HIGD1C: variants seen among roughly 807,000 people sequenced by gnomAD.
The protein encoded by HIGD1C is HIG1 domain family member 1C.
A neutral mutation model predicts 13.1 loss-of-function variants in HIGD1C; 11 were observed. The observed-to-expected ratio is 0.84, with a 90% CI of 0.53 to 1.39. The LOEUF is 1.39. HIGD1C is among the 40% of genes most tolerant of loss of function. The pLI, the probability that HIGD1C is intolerant of heterozygous loss-of-function variation, is 0.00. For synonymous variants in HIGD1C, 36 were observed against 37.7 expected (o/e 0.95, Z 0.17); for missense variants, 110 against 112.0 (o/e 0.98, Z 0.08).
chr12:50,952,058 A>AT (rs1938916557), upstream of HIGD1C, among the ~76,000 whole-genome samples: 3 of 116,476 alleles, frequency 2.6e-5, no homozygotes, highest in African/African-American at 3.6e-5. Context: ...CTAGACCAGA[A>AT]ATTTTTTTTT....
upstream of HIGD1C, among the ~76,000 whole-genome samples, chr12:50,950,821 C>T (rs537163315): frequency 4.6e-5 from 7 of 151,828 alleles, no homozygotes; most frequent in South Asian, 8.3e-4. Flanking sequence ...GGACTACAGG[C>T]GCCTGCCACC....
At chr12:50,940,098 A>T in the HIGD1C span, 1 of 152,286 alleles carries the variant, frequency 6.6e-6, no homozygotes, top group South Asian at 2.1e-4. Context: ...TCGTAAAAAA[A>T]ATAGTTTGCA....
the HIGD1C span, chr12:50,935,092 G>A: frequency 6.6e-6 from 1 of 152,000 alleles, no homozygotes; most frequent in Non-Finnish European, 1.5e-5. Context: ...TTCCCCTTTC[G>A]TCTTGGTTTA....
the HIGD1C span, among the ~76,000 whole-genome samples, chr12:50,945,871 A>G: frequency 9.9e-5 from 15 of 152,074 alleles, no homozygotes; most frequent in South Asian, 2.1e-4. Context: ...TGGTACTGGT[A>G]CCAAAACAGA....
chr12:50,955,053 A>G (rs1939041276), intron 1 of HIGD1C, among the ~76,000 whole-genome samples: 1 of 152,172 alleles, frequency 6.6e-6, no homozygotes, highest in Non-Finnish European at 1.5e-5. Flanking sequence ...GCACTTTGAG[A>G]GGCCGAGGCA....
At chr12:50,970,606 C>T, downstream of HIGD1C, 1 of 711,266 alleles carries the variant, frequency 1.4e-6, no homozygotes, top group East Asian at 2.7e-5. Flanking sequence ...ACACAAGTGT[C>T]ACAGAATGCT....
intron 1 of HIGD1C, among the ~76,000 whole-genome samples, chr12:50,956,572 T>A (rs957568908): frequency 6.6e-6 from 1 of 152,204 alleles, no homozygotes; most frequent in East Asian, 1.9e-4. Flanking sequence ...ACTGTTCAAA[T>A]CATCTTACAA....
At chr12:50,942,736 C>T in the HIGD1C span, among the ~76,000 whole-genome samples, 1 of 152,054 alleles carries the variant, frequency 6.6e-6, no homozygotes, top group Non-Finnish European at 1.5e-5. Context: ...TGGTGGCATG[C>T]ACCTGTGGTC....
At chr12:50,949,227 A>C (rs1938848762), upstream of HIGD1C, 1 of 154,020 alleles carries the variant, frequency 6.5e-6, no homozygotes, top group African/African-American at 2.4e-5. Context: ...CCACTTGTCC[A>C]GGCTGTGTCG....
chr12:50,944,578 T>C, the HIGD1C span, among the ~76,000 whole-genome samples: 1 of 152,158 alleles, frequency 6.6e-6, no homozygotes, highest in Non-Finnish European at 1.5e-5. Context: ...CTCCCTTCAC[T>C]GTCAAATCTT....
At chr12:50,938,642 G>A in the HIGD1C span, among the ~76,000 whole-genome samples, 1 of 152,160 alleles carries the variant, frequency 6.6e-6, no homozygotes, top group African/African-American at 2.4e-5. Context: ...GCTCCAGATG[G>A]CCCGCTACAA....
chr12:50,951,398 G>A (rs187870180), upstream of HIGD1C, among the ~76,000 whole-genome samples: 3 of 152,358 alleles, frequency 2.0e-5, no homozygotes, highest in African/African-American at 4.8e-5. Flanking sequence ...TCCAGAGCCA[G>A]TTGAGTTGTT....
At chr12:50,942,658 G>C in the HIGD1C span, among the ~76,000 whole-genome samples, 2 of 152,066 alleles carry the variant, frequency 1.3e-5, no homozygotes, top group Non-Finnish European at 2.9e-5. Flanking sequence ...CCTGAGTTTG[G>C]GAGTTAAGAG....
chr12:50,965,983 T>A (rs1939527645), intron 2 of HIGD1C, among the ~76,000 whole-genome samples: 1 of 152,230 alleles, frequency 6.6e-6, no homozygotes. Flanking sequence ...TCACCAAACC[T>A]AGAGCTTTTC....
rs764529455 is a variant in HIGD1C at position 50,970,492 on chromosome 12, G to T, written c.280G>T (p.Glu94Ter). The change falls in exon 3 of 3, where the codon GAG (glutamate) becomes TAG (stop). Residue 94 changes from glutamate to a stop codon, truncating the protein, a stop_gained. Coordinates refer to ENST00000398455, the Ensembl canonical transcript of HIGD1C. LOFTEE classifies it high-confidence loss of function. ...TTACATTAGACCACGATTCTTCAGT[G>T]AGTCCAAAAAATGAAGCTTACATGC... The T allele has an allele frequency of 8.5e-6, 13 of 1,532,238 alleles. No individual in the cohort carries two copies. The allele number at this position is 1,532,238 out of a possible 1,614,324, so 94.9% of individuals were successfully genotyped here.
chr12:50,952,670 G>A (rs922840749), upstream of HIGD1C, among the ~76,000 whole-genome samples: 2 of 152,228 alleles, frequency 1.3e-5, no homozygotes, highest in Non-Finnish European at 2.9e-5. Flanking sequence ...CGCGTGTGCA[G>A]CTCGAGGCTT....
intron 2 of HIGD1C, among the ~76,000 whole-genome samples, chr12:50,965,663 A>G (rs1325017150): frequency 6.6e-6 from 1 of 152,184 alleles, no homozygotes; most frequent in East Asian, 1.9e-4. Flanking sequence ...TTTGACTGGT[A>G]GGCCACACTC....
the HIGD1C span, among the ~76,000 whole-genome samples, chr12:50,934,767 A>T: frequency 1.3e-5 from 2 of 152,220 alleles, no homozygotes; most frequent in African/African-American, 2.4e-5. Flanking sequence ...ATTCAAGGAA[A>T]TGAAAGAAAC....
chr12:50,966,678 A>G (rs1426861795), intron 2 of HIGD1C, among the ~76,000 whole-genome samples: 1 of 152,196 alleles, frequency 6.6e-6, no homozygotes, highest in African/African-American at 2.4e-5. Context: ...AGTCATTCTC[A>G]GACAGGATGG....
Sources: gnomAD v4.1 joint callset for allele counts (sites outside exome capture counted in the v4.1 genomes callset) on GRCh38, gnomAD v4.1.1 for gene constraint, MANE v1.5 for transcripts, NCBI Gene and HGNC (gene_info 2026-07-23, HGNC 2026-07-21) for gene names.